The following MUS81 variants were observed in gnomAD, a reference collection of about 807,000 sequenced individuals.
The protein encoded by MUS81 is structure-specific endonuclease subunit MUS81.
Under a neutral mutation model 74.2 loss-of-function variants are expected in MUS81, and 69 were observed. The ratio of observed to expected loss-of-function variants is 0.93; its 90% CI spans 0.77 to 1.14. MUS81 has a LOEUF of 1.14. MUS81 is among the 50% of genes most tolerant of loss of function. The pLI is 0.00. For synonymous variants in MUS81, 303 were observed against 300.6 expected (o/e 1.01, Z -0.08); for missense variants, 711 against 726.5 (o/e 0.98, Z 0.25).
chr11:65,862,171 T>C (rs201484335), intron 4 of MUS81, 40 bp from the exon 5 acceptor site: 342 of 1,605,416 alleles, frequency 2.1e-4, no homozygotes, highest in Non-Finnish European at 2.7e-4. Context: ...GGAGGGGCCC[T>C]GGCACTGAGC....
chr11:65,863,329 TGGGTGTC>T (rs1343461281), intron 7 of MUS81, 74 bp from the exon 8 acceptor site: 5 of 1,590,306 alleles, frequency 3.1e-6, no homozygotes, highest in South Asian at 2.2e-5. Flanking sequence ...GGGTGGGTGG[TGGGTGTC>T]GGGTGGCATG....
Position 65,860,718 on chromosome 11 carries a change from C to T in MUS81, c.-36C>T, listed in dbSNP as rs1275119171. The T allele has an allele frequency of 5.9e-6, 9 of 1,532,552 alleles. No individual in the cohort carries two copies. In the East Asian group the frequency reaches 2.2e-4, roughly 38 times the overall value. 94.9% of individuals were successfully genotyped at this position (1,532,552 alleles called of 1,614,324 possible). A position where few individuals can be genotyped will look rare whatever the true frequency, so the allele number is the denominator to read the frequency against. On this transcript the variant is annotated 5_prime_UTR_variant, in exon 1 of 16. Transcript: ENST00000308110. Reference sequence around the variant, plus strand: ...CAGAACTGGCGGCGTCCCAGTCCCGCGGGCGTGGAGCGCCGGAGGACCCGC... The same window carrying T: ...CAGAACTGGCGGCGTCCCAGTCCCGTGGGCGTGGAGCGCCGGAGGACCCGC...
chr11:65,865,008 T>C lies in MUS81; in HGVS notation c.1273-9T>C, dbSNP rs200724002. On this transcript the variant is annotated splice_polypyrimidine_tract_variant and intron_variant, in intron 12 of 15. Coordinates refer to ENST00000308110, the MANE Select transcript of MUS81 (RefSeq NM_025128.5). ...GCTCCAGCCTGGCCTCAGTCCCTTC[T>C]TCCCTCAGGGCCACACCCTACGCAG... 30 of 1,613,050 alleles carry C rather than the reference T, an allele frequency of 1.9e-5. No individual in the cohort carries two copies. The Middle Eastern group carries it at 8.2e-4, about 44-fold the overall frequency.
Position 65,864,780 on chromosome 11 carries a change from G to GC in MUS81, c.1240dup (p.Leu414ProfsTer27). 1 of 1,613,814 alleles carries GC rather than the reference G, an allele frequency of 6.2e-7. No homozygotes were observed. The highest frequency in any genetic ancestry group is 8.5e-7 in the Non-Finnish European group (1 of 1,179,998). ...CATTAAGGAGTCAGCCGCCTACCTG[G>GC]CCCTCTTGACGCGGGGCCTGCAGAG... On this transcript the variant is annotated frameshift_variant, in exon 12 of 16. Transcript: ENST00000308110. LOFTEE classifies it high-confidence loss of function.
At chr11:65,862,174 C>G (rs1228735208) in intron 4 of MUS81, 37 bp from the exon 5 acceptor site, 1 of 1,605,486 alleles carries the variant, frequency 6.2e-7, no homozygotes, top group Non-Finnish European at 8.5e-7. Context: ...GGGGCCCTGG[C>G]ACTGAGCCTA....
chr11:65,863,274 C>A (rs1591057847), intron 7 of MUS81, 69 bp downstream of exon 7: 1 of 1,579,214 alleles, frequency 6.3e-7, no homozygotes, highest in East Asian at 2.3e-5. Context: ...AAAGCCCCGC[C>A]CCAACCCATC....
rs1201766310 is a variant in MUS81 at position 65,861,339 on chromosome 11, C to T, written c.266-11C>T. 13 of 1,582,488 alleles carry T rather than the reference C, an allele frequency of 8.2e-6. No homozygotes were observed. The highest frequency in any genetic ancestry group is 3.6e-5 in the Admixed American group (2 of 56,318). On this transcript the variant is annotated splice_polypyrimidine_tract_variant and intron_variant, in intron 2 of 15. Coordinates refer to ENST00000308110, the MANE Select transcript of MUS81 (RefSeq NM_025128.5). ...CGTGGAGTGTGGAGTTAACTCTTTT[C>T]TCTCCCGCAGGTGACCATGCCCCGG... is the stretch of plus-strand genomic sequence containing the variant.
chr11:65,864,731 C>T lies in MUS81; in HGVS notation c.1188C>T (p.Gly396=), dbSNP rs774285781. ...QAVTNTQVID[G]FFVKRTADIK... ...GTCCTCTTCCCCAGGTCATTGATGG[C>T]TTTTTTGTGAAGCGCACAGCAGACA... Residue 396 remains glycine, a synonymous_variant, in exon 12 of 16, where the codon GGC becomes GGT. Transcript: ENST00000308110. 1.9e-6 allele frequency: 3 copies of T among 1,614,092 alleles called. No individual in the cohort carries two copies. The highest frequency in any genetic ancestry group is 2.2e-5 in the South Asian group (2 of 91,080).
downstream of MUS81, chr11:65,866,669 C>T (rs995787355): frequency 2.3e-5 from 16 of 704,418 alleles, no homozygotes; most frequent in Middle Eastern, 4.6e-4. Flanking sequence ...GACTGAAGCT[C>T]GTGGTGCAGA....
In MUS81 at chr11:65,860,853, C is replaced by T; in HGVS notation, c.100C>T (p.Arg34Cys). 1 of 1,545,878 alleles carries T rather than the reference C, an allele frequency of 6.5e-7. No homozygotes were observed. The part of the protein sequence containing the change: ...WLTEWRDEAT[R>C]SRRRTRFVFQ... ...GACCGAGTGGCGGGACGAGGCGACC[C>T]GCAGCAGGCGCCGCACGCGCTTCGT... The change falls in exon 1 of 16, where the codon CGC (arginine) becomes TGC (cysteine). Residue 34 changes from arginine (R) to cysteine (C), a missense_variant. By Grantham distance (180) the Arg-to-Cys change is radical (BLOSUM62 -3). Transcript: ENST00000308110.
intron 6 of MUS81, among the ~76,000 whole-genome samples, 153 bp from the exon 7 acceptor site, chr11:65,862,912 A>G (rs565624823): frequency 1.2e-4 from 19 of 152,348 alleles, no homozygotes; most frequent in Non-Finnish European, 2.5e-4. Flanking sequence ...AACTGCTCTA[A>G]GAGCCAAGAA....
chr11:65,863,569 C>CTGA (rs1440004014), intron 8 of MUS81, 31 bp from the exon 9 acceptor site: 1 of 1,613,810 alleles, frequency 6.2e-7, no homozygotes, highest in African/African-American at 1.3e-5. Context: ...CTGCCCTGCT[C>CTGA]TGATCTAGGC....
At chr11:65,860,235 T>G, upstream of MUS81, 1 of 456,472 alleles carries the variant, frequency 2.2e-6, no homozygotes, top group South Asian at 1.5e-5. Flanking sequence ...CCCCCGCCTC[T>G]CCTGGACTCT....
rs1273841927 is a variant in MUS81, at chr11:65,866,342, T to C, written c.*290T>C. The C allele has an allele frequency of 3.3e-6, 2 of 604,810 alleles. No homozygotes were observed. Among genetic ancestry groups the C allele is most frequent in the Non-Finnish European group, 5.8e-6 (2 of 343,564 alleles). The allele number at this position is 604,810 out of a possible 1,614,324, so 37.5% of individuals were successfully genotyped here. On this transcript the variant is annotated 3_prime_UTR_variant, in exon 16 of 16. Coordinates refer to ENST00000308110, the MANE Select transcript of MUS81 (RefSeq NM_025128.5). ...TCTATTTTATGTCACCAGTTGGTCC[T>C]CATCAAATAAAATTTCCTTAGGAGT...
At chr11:65,864,071 C>T (rs750017911) in intron 10 of MUS81, 170 bp downstream of exon 10, 8 of 665,646 alleles carry the variant, frequency 1.2e-5, no homozygotes, top group African/African-American at 7.2e-5. Flanking sequence ...CCCATCCAGG[C>T]GCACAGTAGG....
upstream of MUS81, chr11:65,860,310 G>A: frequency 2.2e-6 from 1 of 461,704 alleles, no homozygotes; most frequent in South Asian, 1.5e-5. Context: ...AATCTTAAGA[G>A]ACCTTAGAGC....
chr11:65,860,872 G>T lies in MUS81; in HGVS notation c.119G>T (p.Arg40Leu), dbSNP rs370267349. 118 of 1,567,500 alleles carry T rather than the reference G, an allele frequency of 7.5e-5. No individual in the cohort carries two copies. The highest frequency in any genetic ancestry group is 9.5e-5 in the Non-Finnish European group (110 of 1,159,472). ...GCGACCCGCAGCAGGCGCCGCACGCGCTTCGTATTTCAGAAGGTGGGTCCT... is the reference window on the plus strand; with the variant it reads ...GCGACCCGCAGCAGGCGCCGCACGCTCTTCGTATTTCAGAAGGTGGGTCCT... ...DEATRSRRRT[R>L]FVFQKALRSL... Residue 40 changes from arginine (R) to leucine (L), a missense_variant, in exon 1 of 16, where the codon CGC (arginine) becomes CTC (leucine). By Grantham distance (102) the Arg-to-Leu change is moderately radical. Coordinates refer to ENST00000308110, the MANE Select transcript of MUS81 (RefSeq NM_025128.5).
At chr11:65,861,724 T>C (rs1332376389) in intron 3 of MUS81, 2 of 607,980 alleles carry the variant, frequency 3.3e-6, no homozygotes, top group Admixed American at 3.0e-5. Flanking sequence ...CAGCGCATGG[T>C]AGAAGTGAGG....
At chr11:65,865,431 G>A (rs899985099) in intron 14 of MUS81, 108 bp downstream of exon 14, 14 of 1,150,194 alleles carry the variant, frequency 1.2e-5, no homozygotes, top group Non-Finnish European at 1.6e-5. Context: ...GGGCTCTGCA[G>A]ACCAGAGATA....
Sources: gnomAD v4.1 joint callset for allele counts (sites outside exome capture counted in the v4.1 genomes callset) on GRCh38, gnomAD v4.1.1 for gene constraint, MANE v1.5 for transcripts, NCBI Gene and HGNC (gene_info 2026-07-23, HGNC 2026-07-21) for gene names.